The following EEF2K variants were observed in gnomAD, a reference collection of about 807,000 sequenced individuals.
EEF2K encodes the protein alternative protein EEF2K.
Under a neutral mutation model 93.8 loss-of-function variants are expected in EEF2K, and 70 were observed. That is an observed-to-expected ratio of 0.75 (90% CI 0.62 to 0.91). EEF2K has a LOEUF of 0.91. Ranked by LOEUF, EEF2K falls within the 40% of genes least tolerant of loss-of-function variation. EEF2K has a pLI of 0.00. For synonymous variants in EEF2K, 376 were observed against 380.8 expected, an observed-to-expected ratio of 0.99 and a Z score of 0.15; for missense variants, 935 against 972.9, an observed-to-expected ratio of 0.96 and a Z score of 0.52.
At chr16:22,268,382 A>G (rs1179046840) in intron 15 of EEF2K, among the ~76,000 whole-genome samples, 3 of 151,784 alleles carry the variant, frequency 2.0e-5, no homozygotes, top group African/African-American at 4.8e-5. Flanking sequence ...TGTTGGCCAG[A>G]CTGGTCTGGA....
In EEF2K at chr16:22,257,278, G is replaced by A. The variant is rs143471765; in HGVS notation, c.794G>A (p.Arg265His). The A allele has an allele frequency of 2.2e-5, 36 of 1,613,916 alleles. No individual in the cohort carries two copies. Among genetic ancestry groups the A allele is most frequent in the South Asian group, 1.5e-4 (14 of 91,076 alleles). Residue 265 changes from arginine (R) to histidine (H), a missense_variant, in exon 8 of 18, where the codon CGT becomes CAT. By Grantham distance (29) the Arg-to-His change is conservative (BLOSUM62 0). Coordinates refer to ENST00000263026, the MANE Select transcript of EEF2K (RefSeq NM_013302.5). ...PQAFSHFTFE[R>H]SGHQLIVVDI... ...GCCTTCAGCCACTTCACTTTTGAGC[G>A]TTCCGGCCATCAGCTGATAGTGGTG...
chr16:22,216,196 G>A (rs1322463039), intron 1 of EEF2K, among the ~76,000 whole-genome samples: 1 of 152,158 alleles, frequency 6.6e-6, no homozygotes, highest in Non-Finnish European at 1.5e-5. Context: ...GGAAACTCGG[G>A]ACTCCAGCTA....
At position 22,263,187 on chromosome 16, in the gene EEF2K, T is replaced by C. The variant is rs746297980; in HGVS notation, c.1377T>C (p.His459=). The part of the protein sequence containing the change: ...GELDDPEPRE[H]GHSYSNRKYE... ...TGGATGACCCTGAGCCCCGAGAACA[T>C]GTAAGGAACCCCCAGGAAATGAGAC... Residue 459 remains histidine, a splice_region_variant and synonymous_variant, in exon 12 of 18, where the codon CAT becomes CAC. Transcript: ENST00000263026. The C allele has an allele frequency of 3.1e-6, 5 of 1,609,612 alleles. No homozygotes were observed. Among genetic ancestry groups the C allele is most frequent in the Non-Finnish European group, 4.2e-6 (5 of 1,177,950 alleles).
At chr16:22,278,664 G>A (rs997449730) in intron 16 of EEF2K, among the ~76,000 whole-genome samples, 2 of 152,168 alleles carry the variant, frequency 1.3e-5, no homozygotes, top group African/African-American at 4.8e-5. Context: ...TGTTTCACGA[G>A]ACCCACAGGC....
intron 6 of EEF2K, among the ~76,000 whole-genome samples, chr16:22,252,607 G>A (rs1324744486): frequency 1.3e-5 from 2 of 152,118 alleles, no homozygotes; most frequent in Admixed American, 1.3e-4. Context: ...CAGACCACAG[G>A]GACTGAGACT....
chr16:22,222,349 G>A (rs2047022217), intron 1 of EEF2K, among the ~76,000 whole-genome samples: 2 of 151,592 alleles, frequency 1.3e-5, no homozygotes, highest in Admixed American at 6.6e-5. Flanking sequence ...GGGACTACAG[G>A]CACGCACCAT....
In EEF2K at chr16:22,225,952, C is replaced by G. The variant is rs17841292; in HGVS notation, c.223C>G (p.Pro75Ala). The stretch of plus-strand genomic sequence containing the variant: ...TGAGCGGTATAGCTCCAGCGGGTCC[C>G]CGGCAAACTCCTTCCACTTCAAGGT... The part of the protein sequence containing the change: ...KSERYSSSGS[P>A]ANSFHFKEAW... The change falls in exon 2 of 18, where the codon CCG becomes GCG. Residue 75 changes from proline to alanine, a missense_variant. By Grantham distance (27) the Pro-to-Ala change is conservative. Coordinates refer to ENST00000263026, the MANE Select transcript of EEF2K (RefSeq NM_013302.5). 0.088 allele frequency: 141,578 copies of G among 1,613,980 alleles called. 7,806 individuals are homozygous for G. Among genetic ancestry groups the G allele is most frequent in the East Asian group, 0.25 (11,011 of 44,868 alleles).
chr16:22,237,190 C>T (rs1567269370), intron 2 of EEF2K, among the ~76,000 whole-genome samples: 3 of 151,752 alleles, frequency 2.0e-5, no homozygotes, highest in East Asian at 3.9e-4. Context: ...AGTGCTCCAC[C>T]TATGTCGGCC....
At chr16:22,272,951 C>T (rs2047598695) in intron 15 of EEF2K, among the ~76,000 whole-genome samples, 1 of 152,198 alleles carries the variant, frequency 6.6e-6, no homozygotes, top group Non-Finnish European at 1.5e-5. Flanking sequence ...GCTGGGATTA[C>T]AGGCATGAGC....
At chr16:22,281,804 G>A (rs2047696249) in intron 17 of EEF2K, among the ~76,000 whole-genome samples, 1 of 152,158 alleles carries the variant, frequency 6.6e-6, no homozygotes, top group East Asian at 1.9e-4. Context: ...TGTGTTATCA[G>A]TACTTCATTC....
intron 6 of EEF2K, among the ~76,000 whole-genome samples, chr16:22,253,736 C>T (rs139340627): frequency 7.1e-4 from 108 of 151,970 alleles, no homozygotes; most frequent in Admixed American, 6.7e-3. Context: ...GTGCTTCTCT[C>T]CCCTAAAGGC....
chr16:22,228,248 C>T (rs745781287), intron 2 of EEF2K, among the ~76,000 whole-genome samples: 2 of 152,058 alleles, frequency 1.3e-5, no homozygotes, highest in Non-Finnish European at 2.9e-5. Context: ...AATAATTTGT[C>T]ACTGATTATG....
intron 6 of EEF2K, among the ~76,000 whole-genome samples, chr16:22,252,704 C>G (rs1456354862): frequency 6.6e-6 from 1 of 152,064 alleles, no homozygotes; most frequent in African/African-American, 2.4e-5. Flanking sequence ...AAAGACATAC[C>G]CAAGACTGGG....
In EEF2K at chr16:22,279,896, T is replaced by C. The variant is rs370210527; in HGVS notation, c.1890-302T>C. Among the ~76,000 whole-genome samples, 6 of 152,294 alleles carry C rather than the reference T, an allele frequency of 3.9e-5. No individual in the cohort carries two copies. The East Asian group carries it at 1.2e-3, about 29-fold the overall frequency. On this transcript the variant is annotated intron_variant, in intron 16 of 17. Coordinates refer to ENST00000263026, the MANE Select transcript of EEF2K (RefSeq NM_013302.5). ...CTGTAATCCTAGCTACTCAGGAGGC[T>C]GAGACAGGAGAATTGCTTGAACTTG...
At chr16:22,213,827 T>C (rs1415141552) in intron 1 of EEF2K, among the ~76,000 whole-genome samples, 1 of 152,182 alleles carries the variant, frequency 6.6e-6, no homozygotes, top group African/African-American at 2.4e-5. Flanking sequence ...TTCCTCTAAC[T>C]CTGACCCTTC....
chr16:22,257,128 T>TTTG, intron 7 of EEF2K, 125 bp from the exon 8 acceptor site: 1 of 1,521,296 alleles, frequency 6.6e-7, no homozygotes, highest in Non-Finnish European at 8.9e-7. Context: ...GCCTTTTTCC[T>TTTG]TTGTCTTTTC....
chr16:22,263,155 G>A lies in EEF2K; in HGVS notation c.1345G>A (p.Gly449Ser), dbSNP rs140413530. The change falls in exon 12 of 18, where the codon GGT becomes AGT. Residue 449 changes from glycine (G) to serine (S), a missense_variant. Transcript: ENST00000263026. Reference sequence around the variant, plus strand: ...CAGCGGATACCCCAGTGAGAAGCGGGGTGAGCTGGATGACCCTGAGCCCCG... The same window carrying A: ...CAGCGGATACCCCAGTGAGAAGCGGAGTGAGCTGGATGACCCTGAGCCCCG... Reference protein sequence around the residue: ...GDSGYPSEKRGELDDPEPREH... With the variant: ...GDSGYPSEKRSELDDPEPREH... 1.4e-4 allele frequency: 228 copies of A among 1,612,712 alleles called. No individual in the cohort carries two copies. The highest frequency in any genetic ancestry group is 1.8e-4 in the Non-Finnish European group (208 of 1,179,392).
At chr16:22,224,647 A>G (rs561134540) in intron 1 of EEF2K, among the ~76,000 whole-genome samples, 2 of 99,798 alleles carry the variant, frequency 2.0e-5, no homozygotes. Context: ...AAAAAAAAAA[A>G]GAAAAGAAAA....
chr16:22,228,352 G>A (rs1047933777), intron 2 of EEF2K, among the ~76,000 whole-genome samples: 4 of 151,942 alleles, frequency 2.6e-5, no homozygotes, highest in African/African-American at 9.7e-5. Context: ...GGCTGGGCGC[G>A]ACGGCTCACA....
Sources: gnomAD v4.1 joint callset for allele counts (sites outside exome capture counted in the v4.1 genomes callset) on GRCh38, gnomAD v4.1.1 for gene constraint, MANE v1.5 for transcripts, NCBI Gene and HGNC (gene_info 2026-07-23, HGNC 2026-07-21) for gene names.